BANK1: variants seen among roughly 807,000 people sequenced by gnomAD.
The protein encoded by BANK1 is B cell scaffold protein with ankyrin repeats 1.
Under a neutral mutation model 94.5 loss-of-function variants are expected in BANK1, and 95 were observed. The ratio of observed to expected loss-of-function variants is 1.00; its 90% confidence interval spans 0.85 to 1.19. BANK1 has a LOEUF of 1.19. BANK1 is among the 50% of genes most tolerant of loss of function. The pLI, the probability that BANK1 is intolerant of heterozygous loss-of-function variation, is 0.00. For synonymous variants in BANK1, 334 were observed against 308.4 expected, an observed-to-expected ratio of 1.08 and a Z score of -0.87; for missense variants, 987 against 932.2, an observed-to-expected ratio of 1.06 and a Z score of -0.77.
intron 7 of BANK1, among the ~76,000 whole-genome samples, chr4:101,920,222 G>A (rs544562102): frequency 4.6e-5 from 7 of 151,974 alleles, no homozygotes; most frequent in Non-Finnish European, 7.4e-5. Flanking sequence ...GGCCTGTCAT[G>A]GGGTTGTAGG....
chr4:101,797,066 A>G (rs761842307), intron 1 of BANK1, among the ~76,000 whole-genome samples: 1 of 152,196 alleles, frequency 6.6e-6, no homozygotes, highest in Admixed American at 6.5e-5. Flanking sequence ...GTCTTTTACC[A>G]GCCTATTTTT....
At chr4:102,045,794 GATAC>G (rs1456365572) in intron 11 of BANK1, among the ~76,000 whole-genome samples, 2 of 151,548 alleles carry the variant, frequency 1.3e-5, no homozygotes, top group Admixed American at 1.3e-4. Context: ...AATAAAAGAG[GATAC>G]AAACAAATGG....
Position 101,880,893 on chromosome 4 carries a change from A to G in BANK1, c.903+10249A>G, listed in dbSNP as rs10021737. 6.4e-3 allele frequency among the ~76,000 whole-genome samples: 972 copies of G among 152,144 alleles called. 11 individuals are homozygous for G. The highest frequency in any genetic ancestry group is 0.022 in the African/African-American group (897 of 41,552). ...ATATTGGAAGAGTGAAACTAGACCC[A>G]CATTTCTCACCGCATACAAAAATCA... is the stretch of plus-strand genomic sequence containing the variant. On this transcript the variant is annotated intron_variant, in intron 5 of 16. Coordinates refer to ENST00000322953, the MANE Select transcript of BANK1 (RefSeq NM_017935.5).
At chr4:101,993,411 T>C (rs960878364) in intron 7 of BANK1, among the ~76,000 whole-genome samples, 1 of 152,172 alleles carries the variant, frequency 6.6e-6, no homozygotes, top group Non-Finnish European at 1.5e-5. Flanking sequence ...TTTCTGATTC[T>C]AGAATGCTTT....
At chr4:101,934,643 TA>T (rs1723467860) in intron 7 of BANK1, among the ~76,000 whole-genome samples, 1 of 151,478 alleles carries the variant, frequency 6.6e-6, no homozygotes, top group Admixed American at 6.6e-5. Flanking sequence ...CTTATGACCA[TA>T]GCTGGAACAT....
intron 7 of BANK1, among the ~76,000 whole-genome samples, chr4:101,959,853 T>C (rs1260973453): frequency 6.6e-6 from 1 of 152,198 alleles, no homozygotes; most frequent in East Asian, 1.9e-4. Context: ...TCATGAATTA[T>C]GGTTTAAGTT....
rs529149669 is a variant in BANK1 at position 101,973,083 on chromosome 4, G to A, written c.1207-48431G>A. Among the ~76,000 whole-genome samples, 6 of 151,904 alleles carry A rather than the reference G, an allele frequency of 3.9e-5. No individual in the cohort carries two copies. In the South Asian group the frequency reaches 1.2e-3, roughly 32 times the overall value. ...TTTTTTTTTAGCTCTATTACCCAAC[G>A]TGGTAAATATAGTTAATAATAGAGT... On this transcript the variant is annotated intron_variant, in intron 7 of 16. Transcript: ENST00000322953.
chr4:101,939,099 T>A (rs949716943), intron 7 of BANK1, among the ~76,000 whole-genome samples: 2 of 151,732 alleles, frequency 1.3e-5, no homozygotes, highest in African/African-American at 2.4e-5. Context: ...TTTTTCCTAG[T>A]TTTGCAAGAA....
At chr4:101,891,859 C>T (rs1452644903) in intron 5 of BANK1, among the ~76,000 whole-genome samples, 1 of 151,888 alleles carries the variant, frequency 6.6e-6, no homozygotes. Context: ...TATTTATTTG[C>T]TGAGAATTTC....
In BANK1 at chr4:102,009,662, C is replaced by T. The variant is rs145338416; in HGVS notation, c.1207-11852C>T. On this transcript the variant is annotated intron_variant, in intron 7 of 16. Transcript: ENST00000322953. ...GTATAACCTTGGACAAGTTATTTAA[C>T]CCCATTGTGCCTTTTTTCGGTTCAT... 4.9e-4 allele frequency among the ~76,000 whole-genome samples: 75 copies of T among 152,274 alleles called. 1 individual carries two copies. Among genetic ancestry groups the T allele is most frequent in the Non-Finnish European group, 9.9e-4 (67 of 68,014 alleles).
rs141234223 is a variant in BANK1 at position 102,037,376 on chromosome 4, A to T, written c.1901-6463A>T. Among the ~76,000 whole-genome samples, 1,007 of 152,322 alleles carry T rather than the reference A, an allele frequency of 6.6e-3. 8 individuals are homozygous for T. Among genetic ancestry groups the T allele is most frequent in the African/African-American group, 0.023 (953 of 41,576 alleles). On this transcript the variant is annotated intron_variant, in intron 10 of 16. Transcript: ENST00000322953. The stretch of plus-strand genomic sequence containing the variant: ...GAGTAAAGAAATACTTTAGAGAATG[A>T]TTATTTATAGATGAAATCACAGGTG...
At chr4:101,840,159 G>A (rs1182757794) in intron 2 of BANK1, among the ~76,000 whole-genome samples, 4 of 148,680 alleles carry the variant, frequency 2.7e-5, no homozygotes, top group Admixed American at 6.7e-5. Context: ...TAGTAGAGAC[G>A]GGGTTTCACC....
intron 7 of BANK1, among the ~76,000 whole-genome samples, chr4:101,955,515 T>A (rs1394487090): frequency 6.6e-6 from 1 of 152,138 alleles, no homozygotes; most frequent in Non-Finnish European, 1.5e-5. Flanking sequence ...ACTTAAGTTG[T>A]TATTCCATCA....
chr4:101,969,960 C>T (rs2148922596), intron 7 of BANK1, among the ~76,000 whole-genome samples: 1 of 152,228 alleles, frequency 6.6e-6, no homozygotes, highest in East Asian at 1.9e-4. Flanking sequence ...ATTATTTGTA[C>T]AGAATGGTTT....
At chr4:102,047,588 A>AT (rs1192003605) in intron 11 of BANK1, among the ~76,000 whole-genome samples, 1 of 152,178 alleles carries the variant, frequency 6.6e-6, no homozygotes, top group Non-Finnish European at 1.5e-5. Context: ...CCTCCCATAC[A>AT]TACCTCACAG....
intron 1 of BANK1, among the ~76,000 whole-genome samples, chr4:101,806,110 A>G (rs1041503783): frequency 6.6e-6 from 1 of 151,958 alleles, no homozygotes; most frequent in African/African-American, 2.4e-5. Context: ...AAAATAATAC[A>G]TGAACATAAT....
At chr4:101,791,012 A>T in intron 1 of BANK1, 62 bp downstream of exon 1, 6 of 1,324,482 alleles carry the variant, frequency 4.5e-6, no homozygotes, top group Non-Finnish European at 5.0e-6. Context: ...CTCTGCGGAG[A>T]CCACGGGCCA....
intron 6 of BANK1, among the ~76,000 whole-genome samples, chr4:101,905,532 T>C (rs1722420037): frequency 6.6e-6 from 1 of 152,218 alleles, no homozygotes; most frequent in African/African-American, 2.4e-5. Flanking sequence ...GATCAGCAGT[T>C]TTCTTTTTTC....
chr4:101,955,838 A>G (rs1381838656), intron 7 of BANK1, among the ~76,000 whole-genome samples: 1 of 152,176 alleles, frequency 6.6e-6, no homozygotes, highest in Non-Finnish European at 1.5e-5. Flanking sequence ...TTAGCCATAA[A>G]TGTTTCCTGA....
Sources: allele counts gnomAD v4.1 joint callset (sites outside exome capture counted in the v4.1 genomes callset), GRCh38; gene constraint gnomAD v4.1.1; transcripts MANE v1.5; gene names NCBI Gene and HGNC (gene_info 2026-07-23, HGNC 2026-07-21).